COL5A1: variants seen among roughly 807,000 people sequenced by gnomAD.
COL5A1 encodes collagen alpha-1(V) chain.
COL5A1 carries 16 observed loss-of-function variants against 263.7 expected under a neutral mutation model. That is an observed-to-expected ratio of 0.06 (90% CI 0.04 to 0.09). The LOEUF (loss-of-function observed/expected upper bound fraction) is 0.09. COL5A1 is among the 10% of genes least tolerant of loss of function. The probability of loss-of-function intolerance (pLI) is 1.00; values close to 1 mark genes in which losing one functional copy is unlikely to be tolerated. For synonymous variants in COL5A1, 1,012 were observed against 1,004.5 expected, an observed-to-expected ratio of 1.01 and a Z score of -0.14; for missense variants, 2,036 against 2,540.5, an observed-to-expected ratio of 0.80 and a Z score of 4.27.
intron 65 of COL5A1, among the ~76,000 whole-genome samples, chr9:134,839,620 GC>G (rs977460222): frequency 6.6e-6 from 1 of 152,184 alleles, no homozygotes; most frequent in African/African-American, 2.4e-5. Context: ...CCTTGCAGTG[GC>G]CCAGTGAAGC....
intron 9 of COL5A1, among the ~76,000 whole-genome samples, chr9:134,733,514 A>G (rs1179022854): frequency 1.3e-5 from 2 of 152,222 alleles, no homozygotes; most frequent in Non-Finnish European, 2.9e-5. Flanking sequence ...CTGGGGGTCC[A>G]GGGAAGACAG....
At chr9:134,715,733 C>T (rs1429832089) in intron 4 of COL5A1, among the ~76,000 whole-genome samples, 4 of 152,226 alleles carry the variant, frequency 2.6e-5, no homozygotes, top group African/African-American at 7.2e-5. Context: ...TGAGTCGACA[C>T]AGCACATGTC....
At chr9:134,833,027 C>T (rs1472039970) in intron 64 of COL5A1, among the ~76,000 whole-genome samples, 1 of 152,238 alleles carries the variant, frequency 6.6e-6, no homozygotes. Context: ...AAACACACCA[C>T]CACGAGGCAG....
chr9:134,721,364 AC>A (rs1295929071), intron 4 of COL5A1, among the ~76,000 whole-genome samples: 1 of 148,400 alleles, frequency 6.7e-6, no homozygotes, highest in African/African-American at 2.5e-5. Context: ...GCTGCCCAGG[AC>A]CCCCCATGAC....
rs541637962 is a variant in COL5A1 at position 134,757,944 on chromosome 9, G to T, written c.1882-299G>T. The stretch of plus-strand genomic sequence containing the variant: ...ATCAGCAGCAGACACTCACACACAC[G>T]GGAAACTGCAGCGGTCGCTGAAATA... On this transcript the variant is annotated intron_variant, in intron 17 of 65. Coordinates refer to ENST00000371817, the MANE Select transcript of COL5A1 (RefSeq NM_000093.5). The surrounding 1 kb of genome is among the most constrained non-coding windows in gnomAD (Gnocchi z 6.2). Among the ~76,000 whole-genome samples, 1 of 152,154 alleles carries T rather than the reference G, an allele frequency of 6.6e-6. No individual in the cohort carries two copies. Among genetic ancestry groups the T allele is most frequent in the Non-Finnish European group, 1.5e-5 (1 of 68,028 alleles).
intron 4 of COL5A1, among the ~76,000 whole-genome samples, chr9:134,721,002 C>A (rs2132620097): frequency 6.6e-6 from 1 of 152,272 alleles, no homozygotes; most frequent in East Asian, 1.9e-4. Context: ...CCGCCAGACC[C>A]ACCACATGGA....
intron 11 of COL5A1, among the ~76,000 whole-genome samples, chr9:134,746,472 G>A (rs574058388): frequency 2.0e-5 from 3 of 152,262 alleles, no homozygotes; most frequent in Non-Finnish European, 1.5e-5. Context: ...AGGTTGAGCC[G>A]AGGGTCTCGT....
rs150483429 is a variant in COL5A1, at chr9:134,664,361, AC to A, written c.109+22069del. On this transcript the variant is annotated intron_variant, in intron 1 of 65. Coordinates refer to ENST00000371817, the MANE Select transcript of COL5A1 (RefSeq NM_000093.5). ...TGCAGTTATAAAAGAAAACAGTTTG[AC>A]CCCATAAAAGTCAAGATTTTCTATC... Among the ~76,000 whole-genome samples the A allele has an allele frequency of 1.1e-3, 173 of 152,254 alleles. 1 individual carries two copies. The highest frequency in any genetic ancestry group is 3.9e-3 in the African/African-American group (162 of 41,538).
chr9:134,841,385 C>T lies in COL5A1; in HGVS notation c.5371-772C>T, dbSNP rs1029639217. Among the ~76,000 whole-genome samples the T allele has an allele frequency of 1.3e-5, 2 of 152,178 alleles. No individual in the cohort carries two copies. Among genetic ancestry groups the T allele is most frequent in the Admixed American group, 6.5e-5 (1 of 15,288 alleles). ...TTTGGGGAGGGACCAAAGAATCTCA[C>T]ACCTGCGCTGCCTGTGTTCTGGGAG... is the stretch of plus-strand genomic sequence containing the variant. On this transcript the variant is annotated intron_variant, in intron 65 of 65. Transcript: ENST00000371817. This position sits in a 1 kb window ranked among gnomAD's most constrained non-coding sequence, Gnocchi z 4.8.
In COL5A1 at chr9:134,682,402, G is replaced by A. The variant is rs1250962893; in HGVS notation, c.110-8510G>A. The stretch of plus-strand genomic sequence containing the variant: ...AGGGGACTGTGCGGGTGAACATGGG[G>A]CAGAGAGATCGGGCTGGGCCAGCAC... On this transcript the variant is annotated intron_variant, in intron 1 of 65. Transcript: ENST00000371817. This position sits in a 1 kb window ranked among gnomAD's most constrained non-coding sequence, Gnocchi z 5.1. Among the ~76,000 whole-genome samples, 1 of 152,206 alleles carries A rather than the reference G, an allele frequency of 6.6e-6. No homozygotes were observed. Among genetic ancestry groups the A allele is most frequent in the Non-Finnish European group, 1.5e-5 (1 of 68,034 alleles).
intron 11 of COL5A1, among the ~76,000 whole-genome samples, chr9:134,745,602 C>G (rs1476580886): frequency 6.6e-6 from 1 of 152,182 alleles, no homozygotes; most frequent in African/African-American, 2.4e-5. Flanking sequence ...CGCTTCCAGT[C>G]TTTTAGATGG....
intron 25 of COL5A1, among the ~76,000 whole-genome samples, chr9:134,769,531 T>C (rs1409122448): frequency 6.6e-6 from 1 of 152,202 alleles, no homozygotes; most frequent in African/African-American, 2.4e-5. Context: ...TACAGTAAAA[T>C]TATAGCCACC....
At position 134,700,704 on chromosome 9, in the gene COL5A1, C is replaced by T. The variant is rs757018705; in HGVS notation, c.492-467C>T. Among the ~76,000 whole-genome samples, 4 of 152,358 alleles carry T rather than the reference C, an allele frequency of 2.6e-5. No individual in the cohort carries two copies. Among genetic ancestry groups the T allele is most frequent in the South Asian group, 2.1e-4 (1 of 4,830 alleles). ...CCTTCCACCATTTCCCGTCCACACC[C>T]GGTCTTCTCTGGCTGCCTGCAGTTT... On this transcript the variant is annotated intron_variant, in intron 3 of 65. Coordinates refer to ENST00000371817, the MANE Select transcript of COL5A1 (RefSeq NM_000093.5). This position sits in a 1 kb window ranked among gnomAD's most constrained non-coding sequence, Gnocchi z 4.0.
intron 9 of COL5A1, among the ~76,000 whole-genome samples, chr9:134,738,072 C>T (rs1035155645): frequency 2.6e-5 from 4 of 152,184 alleles, no homozygotes; most frequent in Admixed American, 6.5e-5. Flanking sequence ...CAAATCCACC[C>T]GAGTCCCCTT....
At chr9:134,731,783 C>A in intron 8 of COL5A1, 120 bp downstream of exon 8, 2 of 1,145,550 alleles carry the variant, frequency 1.7e-6, no homozygotes, top group East Asian at 2.4e-5. Context: ...GTGTTACACC[C>A]TATTCCCAAA....
At chr9:134,730,958 A>G (rs1834857611) in intron 7 of COL5A1, among the ~76,000 whole-genome samples, 1 of 152,182 alleles carries the variant, frequency 6.6e-6, no homozygotes. Flanking sequence ...GCTCTGCCCG[A>G]GACCTTGGAA....
rs1276025126 is a variant in COL5A1 at position 134,821,057 on chromosome 9, A to G, written c.4554+834A>G. On this transcript the variant is annotated intron_variant, in intron 58 of 65. Transcript: ENST00000371817. This position sits in a 1 kb window ranked among gnomAD's most constrained non-coding sequence, Gnocchi z 4.2. ...AGGACATGGCTGAAGGGTGGAGCTC[A>G]TTGCAAACCCTACCTCACTGGCCAG... 6.6e-6 allele frequency among the ~76,000 whole-genome samples: 1 copy of G among 152,038 alleles called. No homozygotes were observed. Among genetic ancestry groups the G allele is most frequent in the Non-Finnish European group, 1.5e-5 (1 of 67,996 alleles).
At chr9:134,802,212 C>A (rs1838140685) in intron 38 of COL5A1, among the ~76,000 whole-genome samples, 1 of 152,236 alleles carries the variant, frequency 6.6e-6, no homozygotes, top group Non-Finnish European at 1.5e-5. Flanking sequence ...CAACACAAAC[C>A]CAACACGCAG....
In COL5A1 at chr9:134,754,190, C is replaced by T. The variant is rs148439651; in HGVS notation, c.1774-83C>T. ...TTGGACAGCCAGGCATGGGCAGGGT[C>T]GATGAGCACAGGGACAAGGCTTTGC... On this transcript the variant is annotated intron_variant, in intron 15 of 65. Coordinates refer to ENST00000371817, the MANE Select transcript of COL5A1 (RefSeq NM_000093.5). The surrounding 1 kb of genome is among the most constrained non-coding windows in gnomAD (Gnocchi z 4.3). 3.3e-5 allele frequency: 48 copies of T among 1,453,202 alleles called. No homozygotes were observed. The Middle Eastern group carries it at 6.9e-4, about 21-fold the overall frequency. 90.0% of individuals were successfully genotyped at this position (1,453,202 alleles called of 1,614,324 possible).
Sources: allele counts gnomAD v4.1 joint callset (sites outside exome capture counted in the v4.1 genomes callset), GRCh38; gene constraint gnomAD v4.1.1; non-coding constraint Gnocchi (gnomAD v3.1); transcripts MANE v1.5; gene names NCBI Gene and HGNC (gene_info 2026-07-23, HGNC 2026-07-21).